The following HYDIN variants were observed in gnomAD, a reference collection of about 807,000 sequenced individuals.
The protein encoded by HYDIN is HYDIN axonemal central pair apparatus protein.
In HYDIN, 132 loss-of-function variants were observed where a neutral mutation model predicts 403.9. That is an observed-to-expected ratio of 0.33 (90% CI 0.28 to 0.38). The LOEUF (loss-of-function observed/expected upper bound fraction) is 0.38, where lower values mean the gene tolerates loss of function less well. Among genes scored for constraint, HYDIN ranks in the 10% least tolerant of loss-of-function variants. The probability of loss-of-function intolerance (pLI) is 1.00; values close to 1 mark genes in which losing one functional copy is unlikely to be tolerated. For synonymous variants in HYDIN, 1,202 were observed against 1,891.7 expected (o/e 0.64, Z 9.46); for missense variants, 2,827 against 5,009.5 (o/e 0.56, Z 13.15).
intron 23 of HYDIN, among the ~76,000 whole-genome samples, chr16:70,998,571 A>G (rs1263137562): frequency 7.4e-6 from 1 of 134,494 alleles, no homozygotes; most frequent in African/African-American, 3.4e-5. Context: ...CCAAATTCCT[A>G]TTCTTGTTCT....
At chr16:70,938,256 A>G (rs1345624268) in intron 44 of HYDIN, among the ~76,000 whole-genome samples, 1 of 152,228 alleles carries the variant, frequency 6.6e-6, no homozygotes, top group Non-Finnish European at 1.5e-5. Flanking sequence ...CGAGGCAGTG[A>G]GCACAGAGGC....
intron 7 of HYDIN, among the ~76,000 whole-genome samples, chr16:71,152,364 A>G (rs980280861): frequency 4.6e-5 from 7 of 151,140 alleles, no homozygotes; most frequent in Non-Finnish European, 7.4e-5. Context: ...TTATTTATTT[A>G]TTTTTAATTT....
chr16:70,894,195 A>T (rs1195269524), intron 55 of HYDIN: 6 of 570,982 alleles, frequency 1.1e-5, no homozygotes, highest in Non-Finnish European at 1.8e-5. Context: ...CAGAGTTGAG[A>T]GCAGTGTGAG....
chr16:70,864,198 G>A (rs1463390750), intron 67 of HYDIN, among the ~76,000 whole-genome samples: 1 of 146,814 alleles, frequency 6.8e-6, no homozygotes, highest in Non-Finnish European at 1.5e-5. Flanking sequence ...TGGCGTGGTG[G>A]CGTGCACCTA....
At chr16:70,830,039 T>A (rs2036868634) in intron 80 of HYDIN, among the ~76,000 whole-genome samples, 1 of 152,126 alleles carries the variant, frequency 6.6e-6, no homozygotes, top group Non-Finnish European at 1.5e-5. Context: ...GTGGTAGAGA[T>A]GTAGCAATGA....
chr16:70,857,198 A>C (rs2039076949), intron 72 of HYDIN, among the ~76,000 whole-genome samples: 1 of 102,822 alleles, frequency 9.7e-6, no homozygotes. Flanking sequence ...TCTAGAATGT[A>C]AGCATCAGGA....
intron 18 of HYDIN, among the ~76,000 whole-genome samples, chr16:71,060,270 T>C (rs1322769348): frequency 1.3e-5 from 2 of 152,178 alleles, no homozygotes; most frequent in African/African-American, 2.4e-5. Context: ...AGTATTATAA[T>C]AGACATCCCT....
chr16:70,917,080 G>A lies in HYDIN; in HGVS notation c.8004+1131C>T, dbSNP rs575949920. Among the ~76,000 whole-genome samples the A allele has an allele frequency of 3.7e-4, 56 of 151,974 alleles. 1 individual carries two copies. The South Asian group carries it at 0.011, about 31-fold the overall frequency. Reference sequence around the variant, plus strand: ...TGGGACTACAGGTGCATGCCACCATGCCCGGCTAATTTTTGTATTTTTTGT... The same window carrying A: ...TGGGACTACAGGTGCATGCCACCATACCCGGCTAATTTTTGTATTTTTTGT... On this transcript the variant is annotated intron_variant, in intron 47 of 85. Coordinates refer to ENST00000393567, the MANE Select transcript of HYDIN (RefSeq NM_001270974.2).
At chr16:71,021,743 G>T (rs1000363630) in intron 21 of HYDIN, among the ~76,000 whole-genome samples, 1 of 152,176 alleles carries the variant, frequency 6.6e-6, no homozygotes, top group African/African-American at 2.4e-5. Context: ...ACTCTAGTCT[G>T]TCTTTCCTAG....
intron 78 of HYDIN, among the ~76,000 whole-genome samples, chr16:70,835,030 T>A (rs1002539585): frequency 6.8e-6 from 1 of 146,092 alleles, no homozygotes; most frequent in Non-Finnish European, 1.5e-5. Context: ...ATATATGTTT[T>A]TTTTTTTTTT....
At chr16:70,901,509 T>G (rs1302841065) in intron 52 of HYDIN, among the ~76,000 whole-genome samples, 13 of 151,604 alleles carry the variant, frequency 8.6e-5, no homozygotes, top group Non-Finnish European at 1.5e-4. Flanking sequence ...AGTGAGAACA[T>G]GGGGTATTTG....
chr16:70,857,238 C>T (rs2039079696), intron 72 of HYDIN, among the ~76,000 whole-genome samples: 2 of 77,772 alleles, frequency 2.6e-5, no homozygotes, highest in Non-Finnish European at 4.8e-5. Flanking sequence ...TATCCATTAG[C>T]GTAATCCCAG....
chr16:71,227,947 T>C (rs1463214614), intron 1 of HYDIN, among the ~76,000 whole-genome samples: 4 of 152,128 alleles, frequency 2.6e-5, no homozygotes, highest in Non-Finnish European at 1.5e-5. Context: ...AGCATGGCAC[T>C]GGTACCAAAA....
chr16:71,031,644 A>G (rs1264560540), intron 19 of HYDIN, 35 bp downstream of exon 19: 1 of 1,589,202 alleles, frequency 6.3e-7, no homozygotes, highest in Non-Finnish European at 8.6e-7. Flanking sequence ...AACATATGTG[A>G]TATCTATAAA....
chr16:71,130,161 T>C (rs1435898617), intron 8 of HYDIN, among the ~76,000 whole-genome samples: 2 of 152,272 alleles, frequency 1.3e-5, no homozygotes, highest in African/African-American at 4.8e-5. Flanking sequence ...ATATTTAACA[T>C]CTATTCTGCC....
chr16:71,030,289 C>T (rs1214124746), intron 19 of HYDIN, among the ~76,000 whole-genome samples: 3 of 151,890 alleles, frequency 2.0e-5, no homozygotes, highest in Admixed American at 6.6e-5. Flanking sequence ...TGGGCTCAAG[C>T]AATCCTCCCA....
At chr16:70,845,530 TG>T (rs1236481935) in intron 75 of HYDIN, among the ~76,000 whole-genome samples, 1 of 106,384 alleles carries the variant, frequency 9.4e-6, no homozygotes, top group Non-Finnish European at 1.7e-5. Flanking sequence ...TGCCCGGCTT[TG>T]GTATCAGAAT....
intron 41 of HYDIN, among the ~76,000 whole-genome samples, chr16:70,950,075 C>G (rs2055971): frequency 0.57 from 66,297 of 116,900 alleles, 18,894 homozygotes; most frequent in Non-Finnish European, 0.65. Flanking sequence ...GGTGTCAGAA[C>G]AACGTAAGAC....
At chr16:70,885,734 A>G (rs1352705569) in intron 58 of HYDIN, among the ~76,000 whole-genome samples, 1 of 152,114 alleles carries the variant, frequency 6.6e-6, no homozygotes, top group Non-Finnish European at 1.5e-5. Context: ...ATGGTAGGCA[A>G]AGAAGGAAAA....
Sources: allele counts gnomAD v4.1 joint callset (sites outside exome capture counted in the v4.1 genomes callset), GRCh38; gene constraint gnomAD v4.1.1; transcripts MANE v1.5; gene names NCBI Gene and HGNC (gene_info 2026-07-23, HGNC 2026-07-21).